PTPRN2: variants seen among roughly 807,000 people sequenced by gnomAD.
The protein encoded by PTPRN2 is receptor-type tyrosine-protein phosphatase N2.
Under a neutral mutation model 118.8 loss-of-function variants are expected in PTPRN2, and 74 were observed. The observed-to-expected ratio is 0.62, with a 90% CI of 0.52 to 0.76. The LOEUF (loss-of-function observed/expected upper bound fraction) is 0.76. Ranked by LOEUF, PTPRN2 falls within the 30% of genes least tolerant of loss-of-function variation. PTPRN2 has a pLI of 0.00. For synonymous variants in PTPRN2, 641 were observed against 608.0 expected (o/e 1.05, Z -0.80); for missense variants, 1,481 against 1,394.4 (o/e 1.06, Z -0.99).
chr7:157,840,199 G>GCGTGTGACTGTGTGGCCA (rs1469186500), intron 12 of PTPRN2, among the ~76,000 whole-genome samples: 1 of 139,606 alleles, frequency 7.2e-6, no homozygotes, highest in Non-Finnish European at 1.5e-5. Context: ...GACTGTGACC[G>GCGTGTGACTGTGTGGCCA]CGTGTGACTG....
chr7:158,132,788 TAC>T (rs1471878716), intron 9 of PTPRN2, among the ~76,000 whole-genome samples: 28 of 151,370 alleles, frequency 1.8e-4, no homozygotes, highest in African/African-American at 6.3e-4. Context: ...CACACTCATA[TAC>T]ACACACATGC....
intron 12 of PTPRN2, among the ~76,000 whole-genome samples, chr7:157,791,928 G>A (rs762381694): frequency 2.0e-5 from 3 of 152,304 alleles, no homozygotes; most frequent in African/African-American, 2.4e-5. Flanking sequence ...AGATATGTAC[G>A]GAAAATATGT....
At chr7:158,501,293 C>G (rs10278989) in intron 1 of PTPRN2, among the ~76,000 whole-genome samples, 36,224 of 152,114 alleles carry the variant, frequency 0.24, 4,523 homozygotes, top group East Asian at 0.39. Context: ...CCCGGGGCTA[C>G]AGCCAAGCAA....
At chr7:157,984,584 C>T (rs1803623725) in intron 11 of PTPRN2, among the ~76,000 whole-genome samples, 1 of 152,014 alleles carries the variant, frequency 6.6e-6, no homozygotes, top group Non-Finnish European at 1.5e-5. Flanking sequence ...GTGATGGTTG[C>T]TGGGTGCTGG....
At chr7:158,233,770 GAC>G (rs1018588345) in intron 3 of PTPRN2, among the ~76,000 whole-genome samples, 13 of 152,254 alleles carry the variant, frequency 8.5e-5, no homozygotes, top group African/African-American at 2.9e-4. Flanking sequence ...CATAAAAACA[GAC>G]ACACAGACCA....
At chr7:157,781,687 G>A (rs898822150) in intron 12 of PTPRN2, among the ~76,000 whole-genome samples, 1 of 152,168 alleles carries the variant, frequency 6.6e-6, no homozygotes, top group African/African-American at 2.4e-5. Flanking sequence ...CTTCCTCCCA[G>A]GTTGCTTTCT....
chr7:157,954,593 G>GGTGTGT (rs373723013), intron 11 of PTPRN2, among the ~76,000 whole-genome samples: 4 of 147,394 alleles, frequency 2.7e-5, no homozygotes, highest in African/African-American at 1.0e-4. Context: ...TACTGTGTGT[G>GGTGTGT]GTGTGTGTGT....
intron 12 of PTPRN2, among the ~76,000 whole-genome samples, chr7:157,791,466 T>C (rs576896705): frequency 6.6e-6 from 1 of 152,296 alleles, no homozygotes; most frequent in African/African-American, 2.4e-5. Context: ...CGGATGCATG[T>C]ATGTGCCCGG....
chr7:158,099,005 C>CA lies in PTPRN2; in HGVS notation c.1643+11823_1643+11824insT, dbSNP rs1563432570. ...CATCCCGGCTGCCTCCCCTTCCTCC[C>CA]CCAACACATCCCGGCTGCCTCCCCT... On this transcript the variant is annotated intron_variant, in intron 10 of 22. Transcript: ENST00000389418. 2.6e-3 allele frequency among the ~76,000 whole-genome samples: 78 copies of CA among 30,176 alleles called. 5 individuals carry two copies. The East Asian group carries it at 0.044, about 17-fold the overall frequency. 19.8% of individuals were successfully genotyped at this position (30,176 alleles called of 152,430 possible).
At chr7:158,068,277 G>A (rs1342491791) in intron 11 of PTPRN2, among the ~76,000 whole-genome samples, 2 of 152,244 alleles carry the variant, frequency 1.3e-5, no homozygotes, top group Admixed American at 6.5e-5. Context: ...GGCCCACTGG[G>A]TGCTGAGCTT....
At chr7:157,561,044 A>C (rs764791412) in intron 21 of PTPRN2, among the ~76,000 whole-genome samples, 6 of 152,196 alleles carry the variant, frequency 3.9e-5, no homozygotes, top group Middle Eastern at 3.4e-3. Context: ...CCTGTTCTTC[A>C]GTTCCAGCTC....
rs76409874 is a variant in PTPRN2, at chr7:158,505,936, A to T, written c.113-16151T>A. ...ACACTGAGTACCACCTGGCAGCTAC[A>T]GTGGGTCAGACGCTGCACCGGGTAC... On this transcript the variant is annotated intron_variant, in intron 1 of 22. Coordinates refer to ENST00000389418, the MANE Select transcript of PTPRN2 (RefSeq NM_002847.5). Among the ~76,000 whole-genome samples the T allele has an allele frequency of 1.8e-3, 273 of 152,332 alleles. 7 individuals are homozygous for T. In the East Asian group the frequency reaches 0.034, roughly 19 times the overall value.
At chr7:157,579,511 G>C (rs781590195) in intron 17 of PTPRN2, among the ~76,000 whole-genome samples, 1 of 152,204 alleles carries the variant, frequency 6.6e-6, no homozygotes, top group East Asian at 1.9e-4. Flanking sequence ...GAGAAACACA[G>C]ATTTTATGAG....
In PTPRN2 at chr7:158,570,280, G is replaced by A. The variant is rs964180780; in HGVS notation, c.112+17278C>T. Among the ~76,000 whole-genome samples the A allele has an allele frequency of 6.6e-6, 1 of 152,222 alleles. No individual in the cohort carries two copies. The highest frequency in any genetic ancestry group is 2.4e-5 in the African/African-American group (1 of 41,462). On this transcript the variant is annotated intron_variant, in intron 1 of 22. Transcript: ENST00000389418. The surrounding 1 kb of genome is among the most constrained non-coding windows in gnomAD (Gnocchi z 4.5). ...GTCCTCGCCCTGAGCAGCGCGCCGG[G>A]GTATAAGGGACGCCCTCAGAGGCCT...
At chr7:158,019,530 G>A (rs547496400) in intron 11 of PTPRN2, among the ~76,000 whole-genome samples, 1 of 152,286 alleles carries the variant, frequency 6.6e-6, no homozygotes, top group South Asian at 2.1e-4. Context: ...TTTTATTTGT[G>A]CAATTACTTC....
rs545975717 is a variant in PTPRN2, at chr7:158,565,117, T to G, written c.112+22441A>C. 6.6e-6 allele frequency among the ~76,000 whole-genome samples: 1 copy of G among 152,300 alleles called. No homozygotes were observed. The highest frequency in any genetic ancestry group is 1.5e-5 in the Non-Finnish European group (1 of 68,034). On this transcript the variant is annotated intron_variant, in intron 1 of 22. Coordinates refer to ENST00000389418, the MANE Select transcript of PTPRN2 (RefSeq NM_002847.5). The surrounding 1 kb of genome is among the most constrained non-coding windows in gnomAD (Gnocchi z 4.6). Reference sequence around the variant, plus strand: ...AGGCAAGGATGAAACAAACAAGGCATGGAGGCTTCTGCTCTATAAAACTAT... The same window carrying G: ...AGGCAAGGATGAAACAAACAAGGCAGGGAGGCTTCTGCTCTATAAAACTAT...
At chr7:157,932,802 C>T (rs897062295) in intron 11 of PTPRN2, among the ~76,000 whole-genome samples, 2 of 144,202 alleles carry the variant, frequency 1.4e-5, no homozygotes, top group African/African-American at 5.3e-5. Flanking sequence ...CGATGGACAG[C>T]TTTAGAGAAG....
intron 2 of PTPRN2, among the ~76,000 whole-genome samples, chr7:158,476,750 G>A (rs1234097364): frequency 3.3e-5 from 5 of 152,218 alleles, no homozygotes; most frequent in African/African-American, 9.6e-5. Flanking sequence ...CTATAAATAC[G>A]CCCAAGTAAG....
chr7:157,588,936 A>G (rs1394329210), intron 17 of PTPRN2, among the ~76,000 whole-genome samples: 2 of 151,970 alleles, frequency 1.3e-5, no homozygotes, highest in Non-Finnish European at 2.9e-5. Context: ...CTCACTCTGT[A>G]TATCTCTATT....
Sources: gnomAD v4.1 joint callset for allele counts (sites outside exome capture counted in the v4.1 genomes callset) on GRCh38, gnomAD v4.1.1 for gene constraint, Gnocchi (gnomAD v3.1) non-coding constraint, MANE v1.5 for transcripts, NCBI Gene and HGNC (gene_info 2026-07-23, HGNC 2026-07-21) for gene names.